Variants in THSD7B observed in about 807,000 individuals in gnomAD.
THSD7B encodes thrombospondin type 1 domain containing 7B.
Under a neutral mutation model 213.6 loss-of-function variants are expected in THSD7B, and 138 were observed. That is an observed-to-expected ratio of 0.65 (90% CI 0.56 to 0.74). The LOEUF (loss-of-function observed/expected upper bound fraction) is 0.74, where lower values mean the gene tolerates loss of function less well. Among genes scored for constraint, THSD7B ranks in the 30% least tolerant of loss-of-function variants. The probability of loss-of-function intolerance (pLI) is 0.00; values close to 1 mark genes in which losing one functional copy is unlikely to be tolerated. For missense variants in THSD7B, 1,931 were observed against 1,991.5 expected (o/e 0.97, Z 0.58); for synonymous variants, 742 against 687.0 (o/e 1.08, Z -1.25).
In THSD7B at chr2:137,584,038, TGAA is replaced by T. The variant is rs548165686; in HGVS notation, c.3423+11485_3423+11487del. 6.1e-3 allele frequency among the ~76,000 whole-genome samples: 924 copies of T among 152,302 alleles called. 9 individuals are homozygous for T. Among genetic ancestry groups the T allele is most frequent in the African/African-American group, 0.021 (885 of 41,554 alleles). Reference sequence around the variant, plus strand: ...TTGAGCAGTGGTTTGTAGTTCTCCTTGAAGAGGTCCTTCACATCCCTTGTAAAT... The same window carrying T: ...TTGAGCAGTGGTTTGTAGTTCTCCTTGAGGTCCTTCACATCCCTTGTAAAT... On this transcript the variant is annotated intron_variant, in intron 17 of 27. Transcript: ENST00000409968.
At chr2:137,020,446 T>C (rs1052431461) in intron 2 of THSD7B, among the ~76,000 whole-genome samples, 1 of 152,184 alleles carries the variant, frequency 6.6e-6, no homozygotes, top group African/African-American at 2.4e-5. Context: ...TCTCCTAGCC[T>C]GATCTGATTG....
intron 2 of THSD7B, among the ~76,000 whole-genome samples, chr2:137,004,375 G>A (rs577858417): frequency 1.3e-5 from 2 of 148,700 alleles, no homozygotes; most frequent in African/African-American, 5.0e-5. Context: ...CCATTATAAG[G>A]TTATGTGACT....
chr2:137,027,292 T>A (rs1306464835), intron 2 of THSD7B, among the ~76,000 whole-genome samples: 1 of 152,152 alleles, frequency 6.6e-6, no homozygotes, highest in Non-Finnish European at 1.5e-5. Context: ...GTCTTTCTGG[T>A]TGGCGTGTGT....
chr2:137,263,046 A>G (rs187583095), intron 10 of THSD7B, among the ~76,000 whole-genome samples: 2 of 152,282 alleles, frequency 1.3e-5, no homozygotes, highest in African/African-American at 2.4e-5. Context: ...TAAGAACAGC[A>G]GTGGTTGGGG....
intron 1 of THSD7B, among the ~76,000 whole-genome samples, chr2:136,802,929 C>G (rs1170549158): frequency 6.6e-6 from 1 of 151,616 alleles, no homozygotes; most frequent in Non-Finnish European, 1.5e-5. Flanking sequence ...AACATTTTGC[C>G]TACATCAGAG....
At chr2:137,124,635 A>C (rs1558929708) in intron 5 of THSD7B, among the ~76,000 whole-genome samples, 1 of 152,174 alleles carries the variant, frequency 6.6e-6, no homozygotes, top group Non-Finnish European at 1.5e-5. Flanking sequence ...TGCTAGTTCT[A>C]ATTCCAAGAT....
intron 2 of THSD7B, among the ~76,000 whole-genome samples, chr2:136,886,268 G>A (rs1228048481): frequency 6.6e-6 from 1 of 152,116 alleles, no homozygotes; most frequent in African/African-American, 2.4e-5. Context: ...GGTGACATAA[G>A]CTGACTTTCT....
At chr2:137,668,757 C>G (rs1683500656) in intron 27 of THSD7B, among the ~76,000 whole-genome samples, 1 of 152,068 alleles carries the variant, frequency 6.6e-6, no homozygotes, top group Non-Finnish European at 1.5e-5. Context: ...ATAGTATATT[C>G]TTACTATAAA....
intron 14 of THSD7B, among the ~76,000 whole-genome samples, chr2:137,431,138 G>T (rs577015924): frequency 2.0e-5 from 3 of 152,150 alleles, no homozygotes; most frequent in African/African-American, 7.2e-5. Context: ...GGTTTTATCC[G>T]TTTTAGAGAG....
intron 17 of THSD7B, among the ~76,000 whole-genome samples, chr2:137,607,197 C>T (rs965628093): frequency 1.6e-4 from 24 of 146,812 alleles, no homozygotes; most frequent in Admixed American, 4.4e-4. Context: ...ATATTTCTCT[C>T]ATTGAAAAAA....
intron 15 of THSD7B, among the ~76,000 whole-genome samples, chr2:137,494,011 A>G (rs1480228068): frequency 6.6e-6 from 1 of 152,210 alleles, no homozygotes; most frequent in East Asian, 1.9e-4. Flanking sequence ...TTACTAGTAA[A>G]TAAATTGAAC....
chr2:136,845,681 T>A (rs1374559635), intron 1 of THSD7B, among the ~76,000 whole-genome samples: 1 of 152,212 alleles, frequency 6.6e-6, no homozygotes, highest in Non-Finnish European at 1.5e-5. Flanking sequence ...CAGGCTGGAA[T>A]GTTGTGCTAA....
At chr2:136,952,133 C>T (rs1685047847) in intron 2 of THSD7B, among the ~76,000 whole-genome samples, 1 of 152,114 alleles carries the variant, frequency 6.6e-6, no homozygotes. Flanking sequence ...TCCCAAAGTG[C>T]TGGGATTACA....
At chr2:136,792,583 T>C (rs1209050264) in intron 1 of THSD7B, among the ~76,000 whole-genome samples, 2 of 152,000 alleles carry the variant, frequency 1.3e-5, no homozygotes, top group African/African-American at 4.8e-5. Context: ...GTGGGTGGAA[T>C]GCTGGGGAGG....
At chr2:136,866,846 GTC>G (rs984021869) in intron 1 of THSD7B, among the ~76,000 whole-genome samples, 4 of 152,270 alleles carry the variant, frequency 2.6e-5, no homozygotes, top group Non-Finnish European at 5.9e-5. Context: ...TTCTAGCAGA[GTC>G]TGTGAGAAAT....
intron 7 of THSD7B, among the ~76,000 whole-genome samples, chr2:137,229,038 C>T (rs1681579494): frequency 6.6e-6 from 1 of 152,146 alleles, no homozygotes; most frequent in African/African-American, 2.4e-5. Flanking sequence ...GTGAAGAGCA[C>T]TACATCTCAT....
chr2:136,799,674 A>ATT (rs148895273), intron 1 of THSD7B, among the ~76,000 whole-genome samples: 8 of 151,400 alleles, frequency 5.3e-5, no homozygotes, highest in South Asian at 2.1e-4. Flanking sequence ...TATTTTACAC[A>ATT]TTTTTTTTTA....
At chr2:137,271,124 G>A (rs1439867601) in intron 10 of THSD7B, among the ~76,000 whole-genome samples, 1 of 151,434 alleles carries the variant, frequency 6.6e-6, no homozygotes, top group African/African-American at 2.4e-5. Context: ...ATATGGGTAG[G>A]TCTATTATTT....
intron 2 of THSD7B, among the ~76,000 whole-genome samples, chr2:136,926,593 C>A (rs572216046): frequency 1.3e-5 from 2 of 151,948 alleles, no homozygotes; most frequent in Admixed American, 1.3e-4. Flanking sequence ...GCTCAGGAGG[C>A]TAAGGTGGGA....
Sources: gnomAD v4.1 joint callset for allele counts (sites outside exome capture counted in the v4.1 genomes callset) on GRCh38, gnomAD v4.1.1 for gene constraint, MANE v1.5 for transcripts, NCBI Gene and HGNC (gene_info 2026-07-23, HGNC 2026-07-21) for gene names.